PRKD1: variants seen among roughly 807,000 people sequenced by gnomAD.
PRKD1 encodes serine/threonine-protein kinase D1.
A neutral mutation model predicts 95.9 loss-of-function variants in PRKD1; 63 were observed. That is an observed-to-expected ratio of 0.66 (90% confidence interval 0.54 to 0.81). The LOEUF is 0.81. Ranked by LOEUF, PRKD1 falls within the 30% of genes least tolerant of loss-of-function variation. The probability of loss-of-function intolerance (pLI) is 0.00; values close to 1 mark genes in which losing one functional copy is unlikely to be tolerated. For synonymous variants in PRKD1, 425 were observed against 423.1 expected (o/e 1.00, Z -0.05); for missense variants, 1,048 against 1,165.3 (o/e 0.90, Z 1.47).
intron 12 of PRKD1, among the ~76,000 whole-genome samples, chr14:29,625,067 A>G (rs1879531436): frequency 6.6e-6 from 1 of 152,142 alleles, no homozygotes; most frequent in Admixed American, 6.5e-5. Context: ...ATACAAACTA[A>G]CTTGAAATTC....
chr14:29,630,537 A>T (rs1352941378), intron 10 of PRKD1: 1 of 612,782 alleles, frequency 1.6e-6, no homozygotes, highest in South Asian at 2.3e-5. Flanking sequence ...TAAAATAGCT[A>T]TAATAAAATA....
chr14:29,842,488 G>T (rs1038674853), intron 1 of PRKD1, among the ~76,000 whole-genome samples: 2 of 152,184 alleles, frequency 1.3e-5, no homozygotes, highest in African/African-American at 4.8e-5. Context: ...GAACATCATT[G>T]TATAGGCAGT....
intron 1 of PRKD1, among the ~76,000 whole-genome samples, chr14:29,832,590 T>C (rs1400122624): frequency 6.6e-6 from 1 of 152,114 alleles, no homozygotes; most frequent in Non-Finnish European, 1.5e-5. Flanking sequence ...CCATACGTTT[T>C]TCATCCAAAA....
At position 29,828,307 on chromosome 14, in the gene PRKD1, G is replaced by A. The variant is rs1001517788; in HGVS notation, c.264+98942C>T. On this transcript the variant is annotated intron_variant, in intron 1 of 17. Transcript: ENST00000331968. ...CAAAGGAGGAGCAGGCATGTCACAT[G>A]GTGAGAGAGGGAGCAAGAGAGAGAA... Among the ~76,000 whole-genome samples, 11 of 152,080 alleles carry A rather than the reference G, an allele frequency of 7.2e-5. 1 individual carries two copies. Among genetic ancestry groups the A allele is most frequent in the Non-Finnish European group, 2.9e-5 (2 of 68,024 alleles).
At chr14:29,667,496 T>C (rs1173143740) in intron 2 of PRKD1, among the ~76,000 whole-genome samples, 2 of 152,194 alleles carry the variant, frequency 1.3e-5, no homozygotes, top group Admixed American at 6.5e-5. Flanking sequence ...CACAATATAA[T>C]TGTCAATGCT....
intron 1 of PRKD1, among the ~76,000 whole-genome samples, chr14:29,910,904 T>C (rs1249602006): frequency 6.6e-6 from 1 of 152,118 alleles, no homozygotes; most frequent in Non-Finnish European, 1.5e-5. Flanking sequence ...CAAAATTATA[T>C]GACAAGGTGA....
At chr14:29,691,592 A>G (rs1339713286) in intron 2 of PRKD1, among the ~76,000 whole-genome samples, 1 of 152,170 alleles carries the variant, frequency 6.6e-6, no homozygotes, top group Non-Finnish European at 1.5e-5. Context: ...AATTGCACCC[A>G]AAGTAACAAT....
intron 4 of PRKD1, among the ~76,000 whole-genome samples, chr14:29,649,689 A>T (rs918214461): frequency 4.6e-5 from 7 of 152,168 alleles, no homozygotes; most frequent in East Asian, 1.9e-4. Flanking sequence ...GCCCTTCAAC[A>T]TTAAAAGAGG....
chr14:29,619,732 G>C (rs1369718230), intron 13 of PRKD1, among the ~76,000 whole-genome samples: 1 of 152,152 alleles, frequency 6.6e-6, no homozygotes, highest in African/African-American at 2.4e-5. Context: ...AGTGATATTT[G>C]AGCAAGGACT....
chr14:29,873,947 T>C (rs1206828374), intron 1 of PRKD1, among the ~76,000 whole-genome samples: 1 of 152,158 alleles, frequency 6.6e-6, no homozygotes, highest in Non-Finnish European at 1.5e-5. Flanking sequence ...AAACACTATA[T>C]AAAATGAAAA....
At chr14:29,737,650 C>T (rs1337158916) in intron 1 of PRKD1, among the ~76,000 whole-genome samples, 5 of 152,202 alleles carry the variant, frequency 3.3e-5, no homozygotes, top group East Asian at 1.9e-4. Context: ...AAGGACACAT[C>T]GTGTGATCAA....
intron 1 of PRKD1, among the ~76,000 whole-genome samples, chr14:29,854,824 G>A (rs1391138948): frequency 6.6e-6 from 1 of 152,144 alleles, no homozygotes. Flanking sequence ...TTAGTGCCCT[G>A]CATCCCAGCC....
chr14:29,682,706 T>G (rs565310846), intron 2 of PRKD1, among the ~76,000 whole-genome samples: 2 of 152,224 alleles, frequency 1.3e-5, no homozygotes, highest in East Asian at 3.9e-4. Context: ...AAAAAATGTA[T>G]AAACACAATT....
intron 2 of PRKD1, among the ~76,000 whole-genome samples, chr14:29,725,181 T>A (rs1400096476): frequency 6.6e-6 from 1 of 152,164 alleles, no homozygotes; most frequent in Non-Finnish European, 1.5e-5. Context: ...TTCTGTACAA[T>A]TGCAGCCCTG....
At chr14:29,603,207 A>G (rs1267085095) in intron 13 of PRKD1, among the ~76,000 whole-genome samples, 5 of 152,218 alleles carry the variant, frequency 3.3e-5, no homozygotes, top group Admixed American at 1.3e-4. Flanking sequence ...TACATATTGA[A>G]TGACAGCTGA....
intron 13 of PRKD1, among the ~76,000 whole-genome samples, chr14:29,603,766 T>C (rs978834825): frequency 6.6e-6 from 1 of 152,190 alleles, no homozygotes; most frequent in African/African-American, 2.4e-5. Context: ...AAAAAGAGTT[T>C]TGCCCAACTT....
intron 13 of PRKD1, among the ~76,000 whole-genome samples, chr14:29,604,126 T>G (rs1893622217): frequency 6.6e-6 from 1 of 152,220 alleles, no homozygotes; most frequent in Admixed American, 6.5e-5. Context: ...ATTGACTAAT[T>G]CTAATTTTTT....
intron 11 of PRKD1, 52 bp from the exon 12 acceptor site, chr14:29,626,608 G>A: frequency 8.6e-7 from 1 of 1,163,130 alleles, no homozygotes; most frequent in Admixed American, 2.4e-5. Context: ...CAAAACATTA[G>A]TCCTAAAAAT....
chr14:29,671,211 C>T (rs963879848), intron 2 of PRKD1, among the ~76,000 whole-genome samples: 5 of 152,000 alleles, frequency 3.3e-5, no homozygotes, highest in African/African-American at 9.7e-5. Context: ...ACTGAGAACA[C>T]AATAGCAAGT....
Sources: allele counts gnomAD v4.1 joint callset (sites outside exome capture counted in the v4.1 genomes callset), GRCh38; gene constraint gnomAD v4.1.1; transcripts MANE v1.5; gene names NCBI Gene and HGNC (gene_info 2026-07-23, HGNC 2026-07-21).